Variants in SSBP2 observed in about 807,000 individuals in gnomAD.
SSBP2 encodes single-stranded DNA-binding protein 2.
SSBP2 carries 17 observed loss-of-function variants against 61.8 expected under a neutral mutation model. The observed-to-expected ratio is 0.28, with a 90% CI of 0.19 to 0.41. SSBP2 has a LOEUF of 0.41. SSBP2 is among the 10% of genes least tolerant of loss of function. The pLI is 1.00. For missense variants in SSBP2, 310 were observed against 458.7 expected (o/e 0.68, Z 2.96); for synonymous variants, 139 against 141.3 (o/e 0.98, Z 0.12).
chr5:81,418,748 A>G lies in SSBP2; in HGVS notation c.*1756T>C, dbSNP rs1761431002. On this transcript the variant is annotated 3_prime_UTR_variant, in exon 17 of 17. Transcript: ENST00000320672. Reference sequence around the variant, plus strand: ...TACAATGGTATTTGTGTATCTAAGCATAGAAAAGATATGCTAAAAATATGG... The same window carrying G: ...TACAATGGTATTTGTGTATCTAAGCGTAGAAAAGATATGCTAAAAATATGG... 1.3e-5 allele frequency: 2 copies of G among 152,226 alleles called. No homozygotes were observed. Among genetic ancestry groups the G allele is most frequent in the African/African-American group, 4.8e-5 (2 of 41,458 alleles). 9.4% of individuals were successfully genotyped at this position (152,226 alleles called of 1,614,324 possible). A position where few individuals can be genotyped will look rare whatever the true frequency, so the allele number is the denominator to read the frequency against.
intron 1 of SSBP2, among the ~76,000 whole-genome samples, chr5:81,659,168 C>A (rs1017626893): frequency 2.6e-5 from 4 of 151,912 alleles, no homozygotes; most frequent in African/African-American, 9.7e-5. Context: ...CTGGCCAGGG[C>A]AATCAGGCAA....
chr5:81,514,007 G>C (rs781547873), intron 4 of SSBP2, among the ~76,000 whole-genome samples: 9 of 152,080 alleles, frequency 5.9e-5, no homozygotes, highest in Non-Finnish European at 1.0e-4. Context: ...AATAATAAAA[G>C]CTTTAGTAAA....
At chr5:81,715,644 C>G (rs1755119944) in intron 1 of SSBP2, among the ~76,000 whole-genome samples, 1 of 152,082 alleles carries the variant, frequency 6.6e-6, no homozygotes, top group Non-Finnish European at 1.5e-5. Context: ...TACTACATGG[C>G]AAAACTATAA....
chr5:81,454,763 C>T (rs1561419993), intron 10 of SSBP2, among the ~76,000 whole-genome samples: 1 of 150,752 alleles, frequency 6.6e-6, no homozygotes, highest in Non-Finnish European at 1.5e-5. Context: ...AAAGAAAATA[C>T]ATATATATAT....
intron 10 of SSBP2, among the ~76,000 whole-genome samples, chr5:81,449,241 A>T (rs1763607348): frequency 6.6e-6 from 1 of 152,176 alleles, no homozygotes; most frequent in Non-Finnish European, 1.5e-5. Context: ...GTCTCCAAAG[A>T]CTATTAATTT....
chr5:81,445,417 C>T (rs897786047), intron 12 of SSBP2, among the ~76,000 whole-genome samples: 1 of 151,130 alleles, frequency 6.6e-6, no homozygotes, highest in Non-Finnish European at 1.5e-5. Context: ...GCTCCAAAAA[C>T]TTTTTTTTAG....
At chr5:81,479,881 T>G (rs1294074888) in intron 6 of SSBP2, among the ~76,000 whole-genome samples, 1 of 152,174 alleles carries the variant, frequency 6.6e-6, no homozygotes, top group Non-Finnish European at 1.5e-5. Flanking sequence ...GATGCATGAT[T>G]TAAGTACCAC....
intron 4 of SSBP2, among the ~76,000 whole-genome samples, chr5:81,606,637 C>T (rs915756826): frequency 1.3e-5 from 2 of 152,172 alleles, no homozygotes; most frequent in Admixed American, 6.5e-5. Flanking sequence ...AGGTAGCTTC[C>T]ATTTATATTC....
intron 4 of SSBP2, among the ~76,000 whole-genome samples, chr5:81,528,322 C>G (rs1029151887): frequency 2.0e-5 from 3 of 151,978 alleles, no homozygotes; most frequent in African/African-American, 4.8e-5. Flanking sequence ...GTAAGTGTAT[C>G]AAGTTCTCAG....
At chr5:81,428,989 A>T (rs1762126313) in intron 15 of SSBP2, among the ~76,000 whole-genome samples, 1 of 147,506 alleles carries the variant, frequency 6.8e-6, no homozygotes, top group South Asian at 2.1e-4. Context: ...AACACTGGAG[A>T]GTTTAAAACA....
chr5:81,572,515 A>C (rs1773912052), intron 4 of SSBP2, among the ~76,000 whole-genome samples: 2 of 152,198 alleles, frequency 1.3e-5, no homozygotes, highest in South Asian at 4.1e-4. Flanking sequence ...ACAAATCTGC[A>C]AATAAATTCT....
At chr5:81,593,346 A>G (rs1743315910) in intron 4 of SSBP2, among the ~76,000 whole-genome samples, 1 of 152,226 alleles carries the variant, frequency 6.6e-6, no homozygotes, top group African/African-American at 2.4e-5. Context: ...CTATGTGAAA[A>G]GACCAAATCT....
At chr5:81,560,479 A>C (rs534321019) in intron 4 of SSBP2, among the ~76,000 whole-genome samples, 9 of 152,196 alleles carry the variant, frequency 5.9e-5, no homozygotes, top group Non-Finnish European at 8.8e-5. Flanking sequence ...GTTTGTAGGG[A>C]AAGTGGGTGT....
At chr5:81,650,230 A>G (rs1749611468) in intron 2 of SSBP2, 37 bp downstream of exon 2, 3 of 1,372,002 alleles carry the variant, frequency 2.2e-6, no homozygotes, top group Non-Finnish European at 2.0e-6. Context: ...CATTTATATA[A>G]GATCAAAATG....
chr5:81,454,130 AG>A, intron 10 of SSBP2, among the ~76,000 whole-genome samples: 1 of 152,302 alleles, frequency 6.6e-6, no homozygotes, highest in Middle Eastern at 3.4e-3. Flanking sequence ...ATCTAGGAGA[AG>A]GTGGTGAGGG....
chr5:81,736,612 TC>T (rs1756642957), intron 1 of SSBP2, among the ~76,000 whole-genome samples: 1 of 152,198 alleles, frequency 6.6e-6, no homozygotes, highest in South Asian at 2.1e-4. Flanking sequence ...TTTATTTTCT[TC>T]ATTTTTGCTT....
At chr5:81,710,276 A>C (rs1309195188) in intron 1 of SSBP2, among the ~76,000 whole-genome samples, 1 of 152,072 alleles carries the variant, frequency 6.6e-6, no homozygotes, top group Non-Finnish European at 1.5e-5. Flanking sequence ...TGGAAGAAAA[A>C]TGTGGCTTCC....
intron 1 of SSBP2, among the ~76,000 whole-genome samples, chr5:81,714,015 G>A (rs781059583): frequency 1.3e-5 from 2 of 151,944 alleles, no homozygotes; most frequent in South Asian, 2.1e-4. Flanking sequence ...CCATCAACCC[G>A]TCATCTACAT....
At chr5:81,680,197 T>C (rs187296098) in intron 1 of SSBP2, among the ~76,000 whole-genome samples, 1 of 151,686 alleles carries the variant, frequency 6.6e-6, no homozygotes, top group Non-Finnish European at 1.5e-5. Context: ...CCAGCTTTCC[T>C]GGGCCTCCAG....
Sources: allele counts gnomAD v4.1 joint callset (sites outside exome capture counted in the v4.1 genomes callset), GRCh38; gene constraint gnomAD v4.1.1; transcripts MANE v1.5; gene names NCBI Gene and HGNC (gene_info 2026-07-23, HGNC 2026-07-21).